The following ARID1B variants were observed in gnomAD, a reference collection of about 807,000 sequenced individuals.
ARID1B encodes the protein AT-rich interactive domain-containing protein 1B.
A neutral mutation model predicts 212.3 loss-of-function variants in ARID1B; 30 were observed. That is an observed-to-expected ratio of 0.14 (90% CI 0.11 to 0.19). ARID1B has a LOEUF of 0.19. Among genes scored for constraint, ARID1B ranks in the 10% least tolerant of loss-of-function variants. The pLI is 1.00. For synonymous variants in ARID1B, 1,402 were observed against 1,301.7 expected (o/e 1.08, Z -1.66); for missense variants, 2,891 against 3,204.0 (o/e 0.90, Z 2.36).
At chr6:156,966,728 G>GTC (rs1388460749) in intron 4 of ARID1B, among the ~76,000 whole-genome samples, 3 of 143,266 alleles carry the variant, frequency 2.1e-5, no homozygotes, top group African/African-American at 5.2e-5. Context: ...TTGAGACGGA[G>GTC]TCTCGCTCTG....
chr6:156,875,668 G>A (rs1327411118), intron 2 of ARID1B, among the ~76,000 whole-genome samples: 3 of 152,218 alleles, frequency 2.0e-5, no homozygotes, highest in African/African-American at 7.2e-5. Flanking sequence ...TTTTCAGTGA[G>A]CTGCTGTTTA....
At chr6:156,840,054 T>C (rs1053762933) in intron 2 of ARID1B, among the ~76,000 whole-genome samples, 4 of 152,210 alleles carry the variant, frequency 2.6e-5, no homozygotes, top group African/African-American at 9.7e-5. Flanking sequence ...GTTCCAAAGT[T>C]TTTCTTGTGT....
chr6:156,940,054 A>G (rs1236620313), intron 4 of ARID1B: 2 of 152,204 alleles, frequency 1.3e-5, no homozygotes, highest in African/African-American at 4.8e-5. Flanking sequence ...CAGTTTAAAA[A>G]TAACTAATTT....
chr6:157,104,464 C>A (rs1786318214), intron 5 of ARID1B, among the ~76,000 whole-genome samples: 1 of 152,160 alleles, frequency 6.6e-6, no homozygotes. Flanking sequence ...ATAAAACTGT[C>A]TATTTACGGA....
chr6:157,167,210 T>G lies in ARID1B; in HGVS notation c.3235+25T>G, dbSNP rs746818041. The G allele has an allele frequency of 3.1e-6, 5 of 1,596,414 alleles. No individual in the cohort carries two copies. The East Asian group carries it at 9.0e-5, about 29-fold the overall frequency. Reference sequence around the variant, plus strand: ...GGTAACCTTGGCAGCTCTGCGCTCCTGAGCCCCTCTCTCTCCCCTCTCCTC... The same window carrying G: ...GGTAACCTTGGCAGCTCTGCGCTCCGGAGCCCCTCTCTCTCCCCTCTCCTC... On this transcript the variant is annotated intron_variant, in intron 9 of 19. Transcript: ENST00000636930.
At chr6:156,968,816 C>T (rs1776713519) in intron 4 of ARID1B, among the ~76,000 whole-genome samples, 1 of 152,236 alleles carries the variant, frequency 6.6e-6, no homozygotes, top group Non-Finnish European at 1.5e-5. Flanking sequence ...TTGTCAGGAT[C>T]ACCAGAGATC....
Position 157,198,273 on chromosome 6 carries a change from T to G in ARID1B, c.4383-538T>G, listed in dbSNP as rs1793870684. ...TGAGCACTTGTATTTATATAATGATTAGCTAACATTTGAATTAAATTTGAA... is the reference window on the plus strand; with the variant it reads ...TGAGCACTTGTATTTATATAATGATGAGCTAACATTTGAATTAAATTTGAA... On this transcript the variant is annotated intron_variant, in intron 16 of 19. Transcript: ENST00000636930. Among the ~76,000 whole-genome samples, 7 of 152,346 alleles carry G rather than the reference T, an allele frequency of 4.6e-5. No individual in the cohort carries two copies. In the South Asian group the frequency reaches 1.5e-3, roughly 32 times the overall value.
chr6:157,155,904 A>G (rs1156656437), intron 8 of ARID1B, among the ~76,000 whole-genome samples: 1 of 152,038 alleles, frequency 6.6e-6, no homozygotes, highest in African/African-American at 2.4e-5. Context: ...GCTCATGTGC[A>G]CCCCACATAG....
chr6:157,050,944 A>G (rs914934322), intron 4 of ARID1B, among the ~76,000 whole-genome samples: 1 of 152,214 alleles, frequency 6.6e-6, no homozygotes, highest in African/African-American at 2.4e-5. Flanking sequence ...TCCCTAAAGG[A>G]TAAGTTCTAA....
In ARID1B at chr6:156,882,972, C is replaced by T. The variant is rs575101029; in HGVS notation, c.1987-18404C>T. Among the ~76,000 whole-genome samples the T allele has an allele frequency of 8.5e-5, 13 of 152,254 alleles. No homozygotes were observed. In the South Asian group the frequency reaches 2.1e-3, roughly 24 times the overall value. On this transcript the variant is annotated intron_variant, in intron 2 of 19. Coordinates refer to ENST00000636930, the MANE Select transcript of ARID1B (RefSeq NM_001374828.1). Reference sequence around the variant, plus strand: ...AGTAAGGTTATGATAAAATCTTACACGGGGAACCCGAAAAGAGGGAGAGTT... The same window carrying T: ...AGTAAGGTTATGATAAAATCTTACATGGGGAACCCGAAAAGAGGGAGAGTT...
chr6:156,916,847 A>G (rs1290865790), intron 3 of ARID1B, among the ~76,000 whole-genome samples: 1 of 152,162 alleles, frequency 6.6e-6, no homozygotes, highest in Non-Finnish European at 1.5e-5. Context: ...TTTCTCCAGG[A>G]ACCTTCACCC....
chr6:157,006,280 T>A (rs750381000), intron 4 of ARID1B, among the ~76,000 whole-genome samples: 34 of 152,338 alleles, frequency 2.2e-4, no homozygotes, highest in Middle Eastern at 6.8e-3. Context: ...GCAAGCCATT[T>A]TATGGAAATA....
intron 4 of ARID1B, among the ~76,000 whole-genome samples, chr6:157,004,915 T>C (rs57502270): frequency 2.5e-5 from 2 of 81,406 alleles, no homozygotes; most frequent in Non-Finnish European, 4.9e-5. Flanking sequence ...TTTTTTTTTT[T>C]TTTTTTTTTT....
intron 2 of ARID1B, among the ~76,000 whole-genome samples, chr6:156,875,908 A>T (rs1218987543): frequency 1.3e-5 from 2 of 152,246 alleles, no homozygotes. Context: ...ACATGTTTAT[A>T]TAACGTGCTA....
intron 1 of ARID1B, among the ~76,000 whole-genome samples, chr6:156,812,775 C>T (rs939217670): frequency 6.6e-6 from 1 of 151,480 alleles, no homozygotes; most frequent in African/African-American, 2.4e-5. Flanking sequence ...AGACCAGGCC[C>T]GCAGCCCCCA....
intron 13 of ARID1B, 152 bp downstream of exon 13, chr6:157,184,587 C>T (rs1446501559): frequency 1.9e-5 from 16 of 852,490 alleles, no homozygotes; most frequent in African/African-American, 3.4e-5. Flanking sequence ...TTTAATTGGA[C>T]GCCCACTGGC....
intron 2 of ARID1B, among the ~76,000 whole-genome samples, chr6:156,867,714 T>C (rs1785807707): frequency 6.6e-6 from 1 of 152,218 alleles, no homozygotes; most frequent in African/African-American, 2.4e-5. Flanking sequence ...AATATACTTC[T>C]GGTGTGACTT....
intron 6 of ARID1B, among the ~76,000 whole-genome samples, chr6:157,113,791 T>G (rs1221870419): frequency 3.9e-5 from 6 of 152,176 alleles, no homozygotes. Context: ...AAGGAAAACT[T>G]TCTATTTTAA....
At chr6:157,007,691 A>T (rs1779325761) in intron 4 of ARID1B, among the ~76,000 whole-genome samples, 1 of 151,904 alleles carries the variant, frequency 6.6e-6, no homozygotes, top group African/African-American at 2.4e-5. Context: ...GTTCCATAGG[A>T]ATTTTTGCAG....
Sources: allele counts gnomAD v4.1 joint callset (sites outside exome capture counted in the v4.1 genomes callset), GRCh38; gene constraint gnomAD v4.1.1; transcripts MANE v1.5; gene names NCBI Gene and HGNC (gene_info 2026-07-23, HGNC 2026-07-21).